The following USP15 variants were observed in gnomAD, a reference collection of about 807,000 sequenced individuals.
The protein encoded by USP15 is ubiquitin specific peptidase 15, also known as ubiquitin carboxyl-terminal hydrolase 15.
Under a neutral mutation model 127.1 loss-of-function variants are expected in USP15, and 18 were observed. The observed-to-expected ratio is 0.14, with a 90% CI of 0.10 to 0.21. The LOEUF (loss-of-function observed/expected upper bound fraction) is 0.21, where lower values mean the gene tolerates loss of function less well. USP15 is among the 10% of genes least tolerant of loss of function. The pLI is 1.00. For missense variants in USP15, 805 were observed against 1,159.9 expected (o/e 0.69, Z 4.44); for synonymous variants, 364 against 393.7 (o/e 0.92, Z 0.89).
At chr12:62,335,340 C>T (rs1169625707) in intron 6 of USP15, 2 of 1,435,218 alleles carry the variant, frequency 1.4e-6, no homozygotes, top group African/African-American at 1.4e-5. Context: ...AGTCAGAAGT[C>T]GGAATCAGAA....
chr12:62,285,760 T>A (rs1458042164), intron 1 of USP15, among the ~76,000 whole-genome samples: 2 of 152,164 alleles, frequency 1.3e-5, no homozygotes, highest in Non-Finnish European at 1.5e-5. Flanking sequence ...AGTGCAGGTG[T>A]CTTTTTGATA....
chr12:62,376,085 A>G (rs1020304659), intron 8 of USP15, among the ~76,000 whole-genome samples: 2 of 152,096 alleles, frequency 1.3e-5, no homozygotes, highest in African/African-American at 2.4e-5. Context: ...TCATTATATC[A>G]TGGTTAGTGA....
chr12:62,345,256 C>T (rs1052487450), intron 6 of USP15, among the ~76,000 whole-genome samples: 61 of 152,148 alleles, frequency 4.0e-4, no homozygotes, highest in Admixed American at 4.6e-4. Flanking sequence ...AATCATCTCT[C>T]CCAAGTTCAA....
At chr12:62,376,294 G>A (rs187342267) in intron 8 of USP15, among the ~76,000 whole-genome samples, 14 of 151,824 alleles carry the variant, frequency 9.2e-5, no homozygotes, top group African/African-American at 3.1e-4. Flanking sequence ...ATTAAAAATT[G>A]GAACTATTAG....
At position 62,381,472 on chromosome 12, in the gene USP15, A is replaced by G. The variant is rs771988471; in HGVS notation, c.916-18A>G. 27 of 1,564,648 alleles carry G rather than the reference A, an allele frequency of 1.7e-5. No individual in the cohort carries two copies. The highest frequency in any genetic ancestry group is 2.0e-5 in the Non-Finnish European group (23 of 1,156,496). On this transcript the variant is annotated intron_variant, in intron 8 of 21. Coordinates refer to ENST00000280377, the MANE Select transcript of USP15 (RefSeq NM_001252078.2). ...ATTATGATTACTTTTACTTGAAAAT[A>G]TATTTTATTTTTTGCAGTGTTTGAG... is the stretch of plus-strand genomic sequence containing the variant.
intron 3 of USP15, among the ~76,000 whole-genome samples, chr12:62,304,202 C>G (rs1205234123): frequency 2.6e-5 from 4 of 152,026 alleles, no homozygotes; most frequent in Admixed American, 2.6e-4. Flanking sequence ...ATTGAGAGTT[C>G]TTGAAACCTG....
intron 1 of USP15, among the ~76,000 whole-genome samples, chr12:62,277,917 T>G (rs1196947193): frequency 6.6e-6 from 1 of 152,128 alleles, no homozygotes; most frequent in Non-Finnish European, 1.5e-5. Flanking sequence ...AATAATAAAA[T>G]TAACTTTAGC....
rs143297823 is a variant in USP15 at position 62,316,142 on chromosome 12, G to A, written c.475+1226G>A. On this transcript the variant is annotated intron_variant, in intron 4 of 21. Transcript: ENST00000280377. ...TCTACTAAAAGTACAAAAATTAGCCGGGTGTAGTGGGTGTGCGCCTGTAGT... is the reference window on the plus strand; with the variant it reads ...TCTACTAAAAGTACAAAAATTAGCCAGGTGTAGTGGGTGTGCGCCTGTAGT... 1.4e-4 allele frequency among the ~76,000 whole-genome samples: 22 copies of A among 151,926 alleles called. No homozygotes were observed. In the East Asian group the frequency reaches 2.7e-3, roughly 19 times the overall value.
chr12:62,351,809 A>C (rs1384316454), intron 7 of USP15, among the ~76,000 whole-genome samples: 3 of 152,000 alleles, frequency 2.0e-5, no homozygotes. Flanking sequence ...AACCATTTTG[A>C]GCTTAAAAAT....
At chr12:62,315,341 C>T (rs891274646) in intron 4 of USP15, among the ~76,000 whole-genome samples, 8 of 151,880 alleles carry the variant, frequency 5.3e-5, no homozygotes, top group African/African-American at 1.9e-4. Context: ...TATTTTGACA[C>T]ATTGATTTTT....
chr12:62,365,107 G>A (rs937511113), intron 8 of USP15, among the ~76,000 whole-genome samples: 6 of 152,228 alleles, frequency 3.9e-5, no homozygotes, highest in African/African-American at 1.4e-4. Flanking sequence ...GGTATTTCTA[G>A]TTCTAGATCC....
intron 6 of USP15, among the ~76,000 whole-genome samples, chr12:62,346,001 C>T (rs1251390792): frequency 6.6e-6 from 1 of 152,122 alleles, no homozygotes; most frequent in African/African-American, 2.4e-5. Context: ...GGTGGGGACA[C>T]AGAATCAAAC....
chr12:62,366,340 G>A (rs1003938488), intron 8 of USP15, among the ~76,000 whole-genome samples: 1 of 152,104 alleles, frequency 6.6e-6, no homozygotes, highest in African/African-American at 2.4e-5. Context: ...CTCATGATTT[G>A]GCTCTCTGTT....
chr12:62,305,093 A>G (rs2064441545), intron 3 of USP15, among the ~76,000 whole-genome samples: 1 of 152,258 alleles, frequency 6.6e-6, no homozygotes, highest in Non-Finnish European at 1.5e-5. Flanking sequence ...TAAGTTTAAC[A>G]TGCATACATA....
intron 19 of USP15, among the ~76,000 whole-genome samples, chr12:62,396,030 A>G (rs1351298673): frequency 6.6e-6 from 1 of 152,020 alleles, no homozygotes; most frequent in Non-Finnish European, 1.5e-5. Flanking sequence ...TCTTCAGTAT[A>G]CTCAATGAAG....
chr12:62,390,016 A>C (rs2137611600), intron 14 of USP15, 28 bp downstream of exon 14: 1 of 1,530,880 alleles, frequency 6.5e-7, no homozygotes, highest in East Asian at 2.3e-5. Context: ...CTACATTGAC[A>C]AAATAAATAT....
chr12:62,303,437 TA>T (rs1049582386), intron 3 of USP15: 1 of 152,382 alleles, frequency 6.6e-6, no homozygotes, highest in African/African-American at 2.4e-5. Context: ...TTTAGGGAAC[TA>T]AAAAGCAATA....
intron 19 of USP15, among the ~76,000 whole-genome samples, chr12:62,395,772 A>G (rs929148342): frequency 1.3e-5 from 2 of 151,500 alleles, no homozygotes; most frequent in African/African-American, 4.8e-5. Flanking sequence ...TGCCTGGCTT[A>G]TTTGATTTAA....
intron 6 of USP15, among the ~76,000 whole-genome samples, chr12:62,332,810 A>G (rs1333595437): frequency 1.3e-5 from 2 of 150,452 alleles, no homozygotes; most frequent in East Asian, 1.9e-4. Flanking sequence ...GTTCTGATTA[A>G]GGGAATTCCA....
Sources: allele counts gnomAD v4.1 joint callset (sites outside exome capture counted in the v4.1 genomes callset), GRCh38; gene constraint gnomAD v4.1.1; transcripts MANE v1.5; gene names NCBI Gene and HGNC (gene_info 2026-07-23, HGNC 2026-07-21).